Variants in LVRN observed in about 807,000 individuals in gnomAD.
LVRN encodes laeverin.
A neutral mutation model predicts 111.4 loss-of-function variants in LVRN; 99 were observed. That is an observed-to-expected ratio of 0.89 (90% CI 0.76 to 1.05). LVRN has a LOEUF of 1.05. Among genes scored for constraint, LVRN ranks in the 50% least tolerant of loss-of-function variants. The pLI, the probability that LVRN is intolerant of heterozygous loss-of-function variation, is 0.00. For missense variants in LVRN, 1,414 were observed against 1,206.8 expected (o/e 1.17, Z -2.54); for synonymous variants, 488 against 449.5 (o/e 1.09, Z -1.08).
rs755538172 is a variant in LVRN, at chr5:116,012,550, A to T, written c.2342+82A>T. On this transcript the variant is annotated intron_variant, in intron 15 of 19. Coordinates refer to ENST00000357872, the MANE Select transcript of LVRN (RefSeq NM_173800.5). The stretch of plus-strand genomic sequence containing the variant: ...CCAGAAGTAATAAAATAAAATCTTC[A>T]TATCTGTTATTCATTGAGAGATTTT... 4.7e-6 allele frequency: 4 copies of T among 844,656 alleles called. No homozygotes were observed. In the African/African-American group the frequency reaches 7.1e-5, roughly 15 times the overall value. 52.3% of individuals were successfully genotyped at this position (844,656 alleles called of 1,614,324 possible).
At chr5:115,990,287 A>C (rs1184792137) in intron 4 of LVRN, among the ~76,000 whole-genome samples, 2 of 152,174 alleles carry the variant, frequency 1.3e-5, no homozygotes, top group African/African-American at 2.4e-5. Flanking sequence ...TCCTATGCCT[A>C]TACCAATATT....
intron 18 of LVRN, among the ~76,000 whole-genome samples, chr5:116,017,084 G>A (rs755804054): frequency 6.6e-6 from 1 of 152,158 alleles, no homozygotes; most frequent in Non-Finnish European, 1.5e-5. Context: ...GATTTAAGGG[G>A]AAGAAAGGGA....
intron 1 of LVRN, among the ~76,000 whole-genome samples, chr5:115,972,528 A>T (rs1236655863): frequency 6.6e-6 from 1 of 151,860 alleles, no homozygotes; most frequent in African/African-American, 2.4e-5. Flanking sequence ...AGGTTGTCAT[A>T]CTGTCTTGAA....
At chr5:115,982,113 A>G (rs1304058526) in intron 1 of LVRN, among the ~76,000 whole-genome samples, 1 of 152,196 alleles carries the variant, frequency 6.6e-6, no homozygotes, top group Non-Finnish European at 1.5e-5. Context: ...TAATGTGGGC[A>G]AGAGCAAGTA....
Position 116,025,042 on chromosome 5 carries a change from A to G in LVRN, c.2833-936A>G, listed in dbSNP as rs541056099. 1.5e-4 allele frequency among the ~76,000 whole-genome samples: 23 copies of G among 152,120 alleles called. 1 individual carries two copies. The South Asian group carries it at 3.9e-3, about 26-fold the overall frequency. On this transcript the variant is annotated intron_variant, in intron 19 of 19. Coordinates refer to ENST00000357872, the MANE Select transcript of LVRN (RefSeq NM_173800.5). ...CAAGCACACGTGAAGCCCACCTACA[A>G]TCCCAAACACCACCACCACTCCCCT... is the stretch of plus-strand genomic sequence containing the variant.
At chr5:116,016,018 T>C (rs1242835323) in intron 18 of LVRN, among the ~76,000 whole-genome samples, 1 of 152,246 alleles carries the variant, frequency 6.6e-6, no homozygotes, top group Non-Finnish European at 1.5e-5. Context: ...GCCATACTCA[T>C]AAAACAGTTG....
intron 13 of LVRN, among the ~76,000 whole-genome samples, chr5:116,009,144 T>A (rs553805063): frequency 6.6e-6 from 1 of 152,182 alleles, no homozygotes; most frequent in African/African-American, 2.4e-5. Context: ...TTAAACATTA[T>A]GCTAAATCAA....
At chr5:115,975,277 G>T (rs904642063) in intron 1 of LVRN, 1 of 392,366 alleles carries the variant, frequency 2.5e-6, no homozygotes, top group Admixed American at 3.0e-5. Context: ...AACCAAGTAG[G>T]TTACACTTCT....
At chr5:115,966,614 C>T (rs951014815) in intron 1 of LVRN, among the ~76,000 whole-genome samples, 6 of 152,214 alleles carry the variant, frequency 3.9e-5, no homozygotes, top group Non-Finnish European at 7.3e-5. Flanking sequence ...TCCCAAAGCA[C>T]TTGTACAGGT....
rs750915942 is a variant in LVRN at position 116,005,986 on chromosome 5, C to G, written c.2093+19C>G. ...TGTCTAAGTGAGTATATTTTCTTCT[C>G]TCATGGTTTCAGAATATACCTTGAG... On this transcript the variant is annotated intron_variant, in intron 13 of 19. Coordinates refer to ENST00000357872, the MANE Select transcript of LVRN (RefSeq NM_173800.5). 1.3e-6 allele frequency: 2 copies of G among 1,570,706 alleles called. No homozygotes were observed. The highest frequency in any genetic ancestry group is 8.8e-7 in the Non-Finnish European group (1 of 1,142,170).
chr5:115,984,713 A>T lies in LVRN; in HGVS notation c.978+4A>T. 1 of 1,613,374 alleles carries T rather than the reference A, an allele frequency of 6.2e-7. No individual in the cohort carries two copies. Among genetic ancestry groups the T allele is most frequent in the Non-Finnish European group, 8.5e-7 (1 of 1,179,624 alleles). On this transcript the variant is annotated splice_donor_region_variant and intron_variant, in intron 3 of 19. Transcript: ENST00000357872. ...CAGAACAGAAAGGGGCAAGGAGGTG[A>T]GTGAGGAAGATTCTGTAGGTAAGGG...
intron 1 of LVRN, among the ~76,000 whole-genome samples, chr5:115,970,072 A>G (rs1371607679): frequency 1.3e-5 from 2 of 152,162 alleles, no homozygotes; most frequent in Non-Finnish European, 2.9e-5. Context: ...ATTAAAGTAT[A>G]ACTGACATAC....
chr5:115,987,146 G>T (rs1171982024), intron 3 of LVRN, among the ~76,000 whole-genome samples: 2 of 151,856 alleles, frequency 1.3e-5, no homozygotes, highest in Non-Finnish European at 2.9e-5. Context: ...ACAAACAATA[G>T]TGTGGTCACA....
chr5:116,008,330 C>G (rs1051462298), intron 13 of LVRN, among the ~76,000 whole-genome samples: 1 of 151,904 alleles, frequency 6.6e-6, no homozygotes, highest in Non-Finnish European at 1.5e-5. Flanking sequence ...GGTGACAGAG[C>G]GAGACTCCGT....
chr5:115,999,824 T>G lies in LVRN; in HGVS notation c.1437T>G (p.Thr479=). The G allele has an allele frequency of 1.2e-6, 2 of 1,613,492 alleles. No individual in the cohort carries two copies. Among genetic ancestry groups the G allele is most frequent in the Non-Finnish European group, 1.7e-6 (2 of 1,179,496 alleles). The part of the protein sequence containing the change: ...NILREDHALV[T]RAVAMKVENF... The stretch of plus-strand genomic sequence containing the variant: ...TCAGAGAAGATCACGCCCTGGTGAC[T>G]AGAGCTGTGGCCATGAAGGTGGAAA... Residue 479 remains threonine (T), a synonymous_variant, in exon 7 of 20, where the codon ACT becomes ACG. Coordinates refer to ENST00000357872, the MANE Select transcript of LVRN (RefSeq NM_173800.5).
chr5:115,970,493 CT>C (rs1753301690), intron 1 of LVRN, among the ~76,000 whole-genome samples: 1 of 151,792 alleles, frequency 6.6e-6, no homozygotes, highest in African/African-American at 2.4e-5. Context: ...AGCGATTCCC[CT>C]GCCTCAGCCT....
chr5:115,999,918 A>G lies in LVRN; in HGVS notation c.1515+16A>G. ...TTACAGCAAGGTAAAAGCAGTTAGA[A>G]ATTTCCTTTGGTTTTGTACTCTGGT... On this transcript the variant is annotated intron_variant, in intron 7 of 19. Transcript: ENST00000357872. 6.3e-7 allele frequency: 1 copy of G among 1,599,710 alleles called. No individual in the cohort carries two copies. Among genetic ancestry groups the G allele is most frequent in the Non-Finnish European group, 8.5e-7 (1 of 1,175,344 alleles).
In LVRN at chr5:115,992,050, T is replaced by TTTGAGATA. The variant is rs1748003637; in HGVS notation, c.1106-71_1106-70insGAGATATT. 7 of 1,423,214 alleles carry TTTGAGATA rather than the reference T, an allele frequency of 4.9e-6. No homozygotes were observed. In the African/African-American group the frequency reaches 1.0e-4, roughly 21 times the overall value. 88.2% of individuals were successfully genotyped at this position (1,423,214 alleles called of 1,614,324 possible). A position where few individuals can be genotyped will look rare whatever the true frequency, so the allele number is the denominator to read the frequency against. On this transcript the variant is annotated intron_variant, in intron 4 of 19. Transcript: ENST00000357872. ...ATTTTTTGGTAATTTTATGATTTCA[T>TTTGAGATA]TTTGAGATATTTAAAAAATCCCATT...
At chr5:116,017,728 A>C (rs1230451299) in intron 18 of LVRN, among the ~76,000 whole-genome samples, 2 of 152,210 alleles carry the variant, frequency 1.3e-5, no homozygotes, top group Non-Finnish European at 2.9e-5. Flanking sequence ...AATAGGCTTT[A>C]AGATAATTTA....
Sources: allele counts gnomAD v4.1 joint callset (sites outside exome capture counted in the v4.1 genomes callset), GRCh38; gene constraint gnomAD v4.1.1; transcripts MANE v1.5; gene names NCBI Gene and HGNC (gene_info 2026-07-23, HGNC 2026-07-21).